Variants in ADAM2 observed in about 807,000 individuals in gnomAD.
ADAM2 encodes the protein disintegrin and metalloproteinase domain-containing protein 2.
In ADAM2, 101 loss-of-function variants were observed where a neutral mutation model predicts 99.3. That is an observed-to-expected ratio of 1.02 (90% CI 0.87 to 1.20). ADAM2 has a LOEUF of 1.20. ADAM2 is among the 50% of genes most tolerant of loss of function. The pLI is 0.00. For synonymous variants in ADAM2, 323 were observed against 287.6 expected, an observed-to-expected ratio of 1.12 and a Z score of -1.25; for missense variants, 948 against 878.7, an observed-to-expected ratio of 1.08 and a Z score of -1.00.
At chr8:39,820,579 C>T (rs1415210865) in intron 6 of ADAM2, among the ~76,000 whole-genome samples, 2 of 152,096 alleles carry the variant, frequency 1.3e-5, no homozygotes, top group African/African-American at 2.4e-5. Context: ...AACCCTGAAT[C>T]CCCTGAGGAA....
At chr8:39,753,440 C>T (rs573895730) in intron 16 of ADAM2, among the ~76,000 whole-genome samples, 2 of 151,864 alleles carry the variant, frequency 1.3e-5, no homozygotes, top group African/African-American at 4.8e-5. Context: ...AAAAAAAAAC[C>T]CATGTTCTGG....
At chr8:39,755,546 C>T (rs1473323825) in intron 16 of ADAM2, among the ~76,000 whole-genome samples, 182 bp downstream of exon 16, 1 of 152,026 alleles carries the variant, frequency 6.6e-6, no homozygotes, top group Non-Finnish European at 1.5e-5. Context: ...GTGGTGGTAC[C>T]ACCTGTAATC....
chr8:39,766,101 G>A (rs769200794), intron 14 of ADAM2, among the ~76,000 whole-genome samples: 4 of 152,114 alleles, frequency 2.6e-5, no homozygotes, highest in Non-Finnish European at 5.9e-5. Flanking sequence ...GGATTTTCAT[G>A]AAATTTCCTT....
At chr8:39,824,630 T>C (rs934857829) in intron 4 of ADAM2, among the ~76,000 whole-genome samples, 189 bp downstream of exon 4, 4 of 152,206 alleles carry the variant, frequency 2.6e-5, no homozygotes, top group Non-Finnish European at 4.4e-5. Context: ...TACAATCATG[T>C]CTTTTTAGTT....
At chr8:39,832,473 C>T (rs1406982400) in intron 3 of ADAM2, among the ~76,000 whole-genome samples, 1 of 152,164 alleles carries the variant, frequency 6.6e-6, no homozygotes, top group Non-Finnish European at 1.5e-5. Context: ...TAATATTATA[C>T]ACTTTATTCT....
chr8:39,817,313 G>A (rs761492235), intron 6 of ADAM2, among the ~76,000 whole-genome samples: 4 of 152,092 alleles, frequency 2.6e-5, no homozygotes, highest in African/African-American at 4.8e-5. Flanking sequence ...GAGTGACATC[G>A]TGGTCATGAG....
chr8:39,780,732 G>T (rs1284804762), intron 10 of ADAM2, among the ~76,000 whole-genome samples: 1 of 151,988 alleles, frequency 6.6e-6, no homozygotes, highest in East Asian at 1.9e-4. Context: ...TTAAGTAATA[G>T]AAACAAAATA....
At chr8:39,750,542 C>G (rs915566546) in intron 16 of ADAM2, among the ~76,000 whole-genome samples, 3 of 152,032 alleles carry the variant, frequency 2.0e-5, no homozygotes, top group African/African-American at 7.2e-5. Context: ...ATGGAAAGGG[C>G]AATAGCCTAT....
chr8:39,821,274 G>T, intron 5 of ADAM2, 104 bp from the exon 6 acceptor site: 1 of 831,910 alleles, frequency 1.2e-6, no homozygotes, highest in Non-Finnish European at 1.8e-6. Flanking sequence ...ATTATTTTTA[G>T]CCTGAATCTA....
At chr8:39,765,419 A>G (rs1802534311) in intron 14 of ADAM2, among the ~76,000 whole-genome samples, 1 of 152,190 alleles carries the variant, frequency 6.6e-6, no homozygotes, top group South Asian at 2.1e-4. Flanking sequence ...ATGATACCTT[A>G]TGATATGAAG....
At chr8:39,809,639 A>G (rs1804610079) in intron 6 of ADAM2, among the ~76,000 whole-genome samples, 173 bp from the exon 7 acceptor site, 1 of 152,174 alleles carries the variant, frequency 6.6e-6, no homozygotes, top group African/African-American at 2.4e-5. Context: ...TCTATTTGTC[A>G]CTTTTCTGTA....
At chr8:39,785,796 T>TAAAAAA (rs58429092) in intron 10 of ADAM2, among the ~76,000 whole-genome samples, 3 of 122,506 alleles carry the variant, frequency 2.4e-5, no homozygotes, top group Non-Finnish European at 3.6e-5. Flanking sequence ...CTGTCTCAAA[T>TAAAAAA]AAAAAAAAAA....
intron 10 of ADAM2, among the ~76,000 whole-genome samples, chr8:39,786,529 T>A (rs190607194): frequency 1.2e-3 from 179 of 152,282 alleles, no homozygotes; most frequent in Non-Finnish European, 3.8e-4. Context: ...TTAATGTCAA[T>A]TAGGACATTT....
chr8:39,783,010 T>G (rs1442664140), intron 10 of ADAM2, among the ~76,000 whole-genome samples: 1 of 152,190 alleles, frequency 6.6e-6, no homozygotes, highest in East Asian at 1.9e-4. Context: ...AAGCTATAAA[T>G]GCACTACCTC....
At chr8:39,822,344 T>A (rs1805225169) in intron 4 of ADAM2, among the ~76,000 whole-genome samples, 1 of 152,176 alleles carries the variant, frequency 6.6e-6, no homozygotes, top group South Asian at 2.1e-4. Flanking sequence ...GGAAGTTACA[T>A]CAACCTTAAA....
intron 6 of ADAM2, among the ~76,000 whole-genome samples, chr8:39,814,736 C>A (rs1342086553): frequency 6.6e-6 from 1 of 151,576 alleles, no homozygotes; most frequent in East Asian, 1.9e-4. Context: ...AATCGAACAA[C>A]CAACATGTCC....
chr8:39,754,861 G>T (rs1271328586), intron 16 of ADAM2, among the ~76,000 whole-genome samples: 1 of 152,104 alleles, frequency 6.6e-6, no homozygotes, highest in Non-Finnish European at 1.5e-5. Context: ...GGCAAAAACT[G>T]TTGATATGTA....
chr8:39,767,507 G>T (rs990730861), intron 12 of ADAM2, among the ~76,000 whole-genome samples: 1 of 152,064 alleles, frequency 6.6e-6, no homozygotes, highest in Admixed American at 6.5e-5. Flanking sequence ...GAAGCCCTGG[G>T]GTCCACCATA....
chr8:39,761,376 T>A (rs1328728131), intron 14 of ADAM2, 95 bp from the exon 15 acceptor site: 10 of 615,336 alleles, frequency 1.6e-5, no homozygotes, highest in Admixed American at 3.5e-5. Flanking sequence ...TTTAAGATAT[T>A]CATTGTACAA....
Sources: allele counts gnomAD v4.1 joint callset (sites outside exome capture counted in the v4.1 genomes callset), GRCh38; gene constraint gnomAD v4.1.1; transcripts MANE v1.5; gene names NCBI Gene and HGNC (gene_info 2026-07-23, HGNC 2026-07-21).